Variants in ITGAV observed in about 807,000 individuals in gnomAD.
ITGAV encodes the protein integrin alpha-V.
In ITGAV, 76 loss-of-function variants were observed where a neutral mutation model predicts 143.8. The ratio of observed to expected loss-of-function variants is 0.53; its 90% CI spans 0.44 to 0.64. The LOEUF is 0.64. ITGAV is among the 30% of genes least tolerant of loss of function. The pLI is 0.00. For synonymous variants in ITGAV, 453 were observed against 446.7 expected (o/e 1.01, Z -0.18); for missense variants, 1,193 against 1,274.7 (o/e 0.94, Z 0.98).
rs1268543253 is a variant in ITGAV, at chr2:186,658,392, G to A, written c.1720-646G>A. On this transcript the variant is annotated intron_variant, in intron 17 of 29. Transcript: ENST00000261023. ...TGAATTAAGAATTCTTATACATTGC[G>A]GACGGCAGTGTGAATTGTTTTGAAG... Among the ~76,000 whole-genome samples the A allele has an allele frequency of 3.9e-5, 6 of 152,018 alleles. No homozygotes were observed. The South Asian group carries it at 6.2e-4, about 16-fold the overall frequency.
intron 1 of ITGAV, among the ~76,000 whole-genome samples, chr2:186,597,382 C>G (rs1350408748): frequency 6.6e-6 from 1 of 152,150 alleles, no homozygotes; most frequent in Non-Finnish European, 1.5e-5. Context: ...AGGATGCTTT[C>G]TGCATTCTTG....
chr2:186,675,512 A>G (rs1689181862), intron 26 of ITGAV, 92 bp from the exon 27 acceptor site: 1 of 829,336 alleles, frequency 1.2e-6, no homozygotes, highest in Non-Finnish European at 2.0e-6. Context: ...CTCTTTGGCC[A>G]TCACACAAAA....
chr2:186,674,727 G>C (rs1005807052), intron 26 of ITGAV, among the ~76,000 whole-genome samples: 8 of 151,882 alleles, frequency 5.3e-5, no homozygotes, highest in Admixed American at 1.3e-4. Flanking sequence ...GGCCAGGCTG[G>C]TCTCGAACTC....
chr2:186,654,741 A>G (rs1345519338), intron 16 of ITGAV, 33 bp downstream of exon 16: 1 of 871,490 alleles, frequency 1.1e-6, no homozygotes, highest in South Asian at 1.4e-5. Context: ...TATTATTTTA[A>G]TGATACTGCA....
intron 2 of ITGAV, among the ~76,000 whole-genome samples, chr2:186,621,292 A>G (rs1687513615): frequency 6.6e-6 from 1 of 152,198 alleles, no homozygotes; most frequent in Non-Finnish European, 1.5e-5. Context: ...AGCTTCACCC[A>G]TTGTTGCAGA....
intron 26 of ITGAV, 60 bp downstream of exon 26, chr2:186,669,874 G>A (rs1559069029): frequency 5.5e-6 from 6 of 1,094,590 alleles, no homozygotes; most frequent in Non-Finnish European, 8.3e-6. Context: ...CTATAGAACT[G>A]ACGCCAAAGA....
chr2:186,610,882 A>G (rs1413907863), intron 2 of ITGAV, among the ~76,000 whole-genome samples: 1 of 152,196 alleles, frequency 6.6e-6, no homozygotes, highest in Non-Finnish European at 1.5e-5. Context: ...TAGCAAACCT[A>G]GACTGCTCAT....
intron 26 of ITGAV, among the ~76,000 whole-genome samples, chr2:186,673,729 G>A (rs768130308): frequency 2.6e-5 from 4 of 151,996 alleles, no homozygotes; most frequent in Non-Finnish European, 5.9e-5. Context: ...GTGCAATGGT[G>A]TGATCTCGAC....
At chr2:186,596,466 T>G (rs538381300) in intron 1 of ITGAV, among the ~76,000 whole-genome samples, 1 of 151,892 alleles carries the variant, frequency 6.6e-6, no homozygotes, top group South Asian at 2.1e-4. Flanking sequence ...TTTTTTTTTT[T>G]TGAGATGGAG....
intron 1 of ITGAV, among the ~76,000 whole-genome samples, chr2:186,601,575 T>A (rs1157960383): frequency 6.6e-6 from 1 of 152,010 alleles, no homozygotes; most frequent in Non-Finnish European, 1.5e-5. Flanking sequence ...TTACTTAGAA[T>A]ATTTTTTTTT....
chr2:186,607,641 T>C (rs938553831), intron 2 of ITGAV, among the ~76,000 whole-genome samples: 8 of 152,194 alleles, frequency 5.3e-5, no homozygotes, highest in Admixed American at 1.3e-4. Context: ...CTTGTTACTA[T>C]AGCATAATGG....
chr2:186,673,494 A>G (rs997603945), intron 26 of ITGAV, among the ~76,000 whole-genome samples: 4 of 152,134 alleles, frequency 2.6e-5, no homozygotes, highest in Admixed American at 2.0e-4. Flanking sequence ...CCTAGGGAGT[A>G]TTGCTATCTT....
chr2:186,655,006 A>G (rs574291096), intron 16 of ITGAV, among the ~76,000 whole-genome samples: 2 of 152,346 alleles, frequency 1.3e-5, no homozygotes, highest in South Asian at 4.1e-4. Context: ...CTGGGGAAAT[A>G]TGAATATTAT....
intron 21 of ITGAV, among the ~76,000 whole-genome samples, chr2:186,666,360 A>G (rs1688895720): frequency 6.6e-6 from 1 of 152,130 alleles, no homozygotes; most frequent in Non-Finnish European, 1.5e-5. Context: ...CACAGCACAT[A>G]CTTTGGTGGT....
chr2:186,641,444 C>T lies in ITGAV; in HGVS notation c.1015C>T (p.Leu339Phe), dbSNP rs1389911250. The T allele has an allele frequency of 9.9e-6, 16 of 1,614,030 alleles. No individual in the cohort carries two copies. Among genetic ancestry groups the T allele is most frequent in the Non-Finnish European group, 1.2e-5 (14 of 1,180,030 alleles). ...CATGGATCGTGGCTCTGATGGCAAA[C>T]TCCAAGAGGTGGGGCAGGTCTCAGT... ...LFMDRGSDGK[L>F]QEVGQVSVSL... The change falls in exon 12 of 30, where the codon CTC (leucine) becomes TTC (phenylalanine). Residue 339 changes from leucine to phenylalanine, a missense_variant. By Grantham distance (22) the Leu-to-Phe change is conservative. Coordinates refer to ENST00000261023, the MANE Select transcript of ITGAV (RefSeq NM_002210.5).
intron 6 of ITGAV, among the ~76,000 whole-genome samples, chr2:186,635,170 G>A (rs1687917377): frequency 6.6e-6 from 1 of 152,148 alleles, no homozygotes; most frequent in Non-Finnish European, 1.5e-5. Flanking sequence ...TTGGCAAATA[G>A]TATTTTGTTT....
intron 3 of ITGAV, among the ~76,000 whole-genome samples, chr2:186,623,049 G>C (rs532211592): frequency 9.5e-4 from 145 of 152,108 alleles, no homozygotes; most frequent in African/African-American, 3.5e-3. Context: ...ACGACACGAT[G>C]TTGAAGTGGA....
chr2:186,649,435 G>A (rs1311701155), intron 13 of ITGAV, among the ~76,000 whole-genome samples: 2 of 151,582 alleles, frequency 1.3e-5, no homozygotes, highest in African/African-American at 2.4e-5. Flanking sequence ...AGTGCTATCT[G>A]CTATAGTATT....
At chr2:186,590,650 C>A in intron 1 of ITGAV, 127 bp downstream of exon 1, 1 of 850,080 alleles carries the variant, frequency 1.2e-6, no homozygotes, top group Non-Finnish European at 1.8e-6. Context: ...TCCTACCTCT[C>A]AGAGTGGTTT....
Sources: allele counts gnomAD v4.1 joint callset (sites outside exome capture counted in the v4.1 genomes callset), GRCh38; gene constraint gnomAD v4.1.1; transcripts MANE v1.5; gene names NCBI Gene and HGNC (gene_info 2026-07-23, HGNC 2026-07-21).